The following DOCK3 variants were observed in gnomAD, a reference collection of about 807,000 sequenced individuals.
DOCK3 encodes dedicator of cytokinesis protein 3.
A neutral mutation model predicts 265.6 loss-of-function variants in DOCK3; 60 were observed. That is an observed-to-expected ratio of 0.23 (90% CI 0.18 to 0.28). DOCK3 has a LOEUF of 0.28. DOCK3 is among the 10% of genes least tolerant of loss of function. DOCK3 has a pLI of 1.00. For synonymous variants in DOCK3, 881 were observed against 938.0 expected (o/e 0.94, Z 1.11); for missense variants, 1,981 against 2,594.3 (o/e 0.76, Z 5.14).
intron 10 of DOCK3, among the ~76,000 whole-genome samples, chr3:51,154,941 A>G (rs1412123909): frequency 6.6e-6 from 1 of 152,058 alleles, no homozygotes; most frequent in East Asian, 1.9e-4. Flanking sequence ...ATACTTCCAT[A>G]ATTCTGTTTG....
intron 4 of DOCK3, among the ~76,000 whole-genome samples, chr3:50,932,723 A>G (rs151000049): frequency 1.8e-4 from 27 of 152,298 alleles, no homozygotes; most frequent in Admixed American, 3.3e-4. Flanking sequence ...AGGTGGCACC[A>G]TAACTGGTTT....
chr3:50,946,569 C>G (rs1419169410), intron 5 of DOCK3, among the ~76,000 whole-genome samples: 2 of 152,172 alleles, frequency 1.3e-5, no homozygotes, highest in African/African-American at 4.8e-5. Context: ...GATCTCAGAA[C>G]TGTTTAGGTA....
intron 12 of DOCK3, among the ~76,000 whole-genome samples, chr3:51,198,429 A>C (rs902917805): frequency 6.6e-6 from 1 of 152,156 alleles, no homozygotes; most frequent in Non-Finnish European, 1.5e-5. Flanking sequence ...AGGATGTCCC[A>C]ACATCTTCCT....
chr3:50,821,129 CTTTCTTT>C (rs1204394859), intron 2 of DOCK3, among the ~76,000 whole-genome samples: 12 of 135,516 alleles, frequency 8.9e-5, no homozygotes, highest in South Asian at 2.3e-4. Context: ...TTCTTTCTTT[CTTTCTTT>C]TTTCTTTTTT....
At chr3:51,341,452 A>T in intron 38 of DOCK3, 67 bp downstream of exon 38, 1 of 1,587,290 alleles carries the variant, frequency 6.3e-7, no homozygotes, top group Non-Finnish European at 8.6e-7. Flanking sequence ...TCTTGACACC[A>T]TAGGGTTAAC....
intron 40 of DOCK3, among the ~76,000 whole-genome samples, chr3:51,352,431 G>T (rs1252819231): frequency 6.6e-6 from 1 of 152,138 alleles, no homozygotes; most frequent in Non-Finnish European, 1.5e-5. Context: ...AGTGTCTCAG[G>T]GTTGTTGGAG....
intron 23 of DOCK3, among the ~76,000 whole-genome samples, chr3:51,267,597 G>C (rs1354449902): frequency 6.6e-6 from 1 of 151,894 alleles, no homozygotes; most frequent in Non-Finnish European, 1.5e-5. Context: ...TGTTTGCCAG[G>C]CTAGTCTCGA....
At chr3:51,288,128 A>G (rs1424046682) in intron 27 of DOCK3, among the ~76,000 whole-genome samples, 1 of 152,196 alleles carries the variant, frequency 6.6e-6, no homozygotes, top group African/African-American at 2.4e-5. Context: ...TCAGTGGCTC[A>G]TGCCTATGAT....
At chr3:50,851,371 A>T (rs1424884754) in intron 3 of DOCK3, among the ~76,000 whole-genome samples, 2 of 152,054 alleles carry the variant, frequency 1.3e-5, no homozygotes, top group African/African-American at 4.8e-5. Context: ...CTGCACCAGG[A>T]TCTCTGCGCA....
At chr3:51,221,341 G>A (rs1336418733) in intron 14 of DOCK3, among the ~76,000 whole-genome samples, 1 of 152,066 alleles carries the variant, frequency 6.6e-6, no homozygotes, top group Non-Finnish European at 1.5e-5. Context: ...ACACATAAAC[G>A]TTCCCAGCCA....
At chr3:50,701,902 T>C (rs932197053) in intron 1 of DOCK3, among the ~76,000 whole-genome samples, 2 of 152,234 alleles carry the variant, frequency 1.3e-5, no homozygotes, top group Non-Finnish European at 2.9e-5. Context: ...TCTGGTTTTC[T>C]CTGTTCTGTT....
At position 51,350,271 on chromosome 3, in the gene DOCK3, A is replaced by G; in HGVS notation, c.4003-17A>G. 1 of 1,593,428 alleles carries G rather than the reference A, an allele frequency of 6.3e-7. No individual in the cohort carries two copies. Among genetic ancestry groups the G allele is most frequent in the Non-Finnish European group, 8.5e-7 (1 of 1,174,234 alleles). ...CAACAGCAGTCAAGCCAACCTGAAG[A>G]CCTTTCTCATTCACAGAAAATGGAG... On this transcript the variant is annotated splice_polypyrimidine_tract_variant and intron_variant, in intron 39 of 52. Transcript: ENST00000266037.
chr3:51,069,951 C>T (rs1195965735), intron 6 of DOCK3, among the ~76,000 whole-genome samples: 1 of 152,198 alleles, frequency 6.6e-6, no homozygotes, highest in East Asian at 1.9e-4. Flanking sequence ...TCACAGTTAA[C>T]GGTTCTTCCC....
At chr3:50,813,539 G>A (rs1360255513) in intron 2 of DOCK3, among the ~76,000 whole-genome samples, 2 of 151,578 alleles carry the variant, frequency 1.3e-5, no homozygotes, top group African/African-American at 4.8e-5. Flanking sequence ...AAGAAAGAAA[G>A]AAAAAAGAAA....
At position 50,924,670 on chromosome 3, in the gene DOCK3, C is replaced by T. The variant is rs147158248; in HGVS notation, c.219-9311C>T. ...GCTAATCCACTTGGAATATGTGTAC[C>T]ACATCCAAGTCTCAGGGTTGCCCAC... On this transcript the variant is annotated intron_variant, in intron 4 of 52. Transcript: ENST00000266037. Among the ~76,000 whole-genome samples the T allele has an allele frequency of 1.4e-3, 217 of 152,278 alleles. 1 individual carries two copies. The highest frequency in any genetic ancestry group is 3.7e-3 in the African/African-American group (153 of 41,542).
intron 4 of DOCK3, among the ~76,000 whole-genome samples, chr3:50,927,315 GA>G (rs1415901828): frequency 6.6e-6 from 1 of 152,168 alleles, no homozygotes; most frequent in East Asian, 1.9e-4. Context: ...AGTGGGTACC[GA>G]AATACCGCTA....
chr3:51,215,243 G>A (rs2089717900), intron 14 of DOCK3, among the ~76,000 whole-genome samples: 1 of 152,064 alleles, frequency 6.6e-6, no homozygotes, highest in Non-Finnish European at 1.5e-5. Flanking sequence ...GAGTAGCTGC[G>A]ACTACACGTG....
At chr3:51,002,213 TGCTGAGATTATAG>T (rs1221277684) in intron 5 of DOCK3, among the ~76,000 whole-genome samples, 1 of 152,212 alleles carries the variant, frequency 6.6e-6, no homozygotes, top group African/African-American at 2.4e-5. Context: ...CTTCCCAAAG[TGCTGAGATTATAG>T]GCATGAGCTA....
In DOCK3 at chr3:51,381,415, G is replaced by A. The variant is rs782654998; in HGVS notation, c.5949G>A (p.Pro1983=). ...LPPKPYHPRL[P]ALEHDEGVLL... Reference sequence around the variant, plus strand: ...CCAAGCCCTACCACCCCCGCCTGCCGGCCCTGGAGCACGATGAGGGGGTGC... The same window carrying A: ...CCAAGCCCTACCACCCCCGCCTGCCAGCCCTGGAGCACGATGAGGGGGTGC... Residue 1983 remains proline, a synonymous_variant, in exon 53 of 53, where the codon CCG becomes CCA. Coordinates refer to ENST00000266037, the MANE Select transcript of DOCK3 (RefSeq NM_004947.5). The surrounding 1 kb of genome is among the most constrained non-coding windows in gnomAD (Gnocchi z 5.6). 18 of 1,612,010 alleles carry A rather than the reference G, an allele frequency of 1.1e-5. No homozygotes were observed. Among genetic ancestry groups the A allele is most frequent in the Middle Eastern group, 1.7e-4 (1 of 6,056 alleles).
Sources: allele counts gnomAD v4.1 joint callset (sites outside exome capture counted in the v4.1 genomes callset), GRCh38; gene constraint gnomAD v4.1.1; non-coding constraint Gnocchi (gnomAD v3.1); transcripts MANE v1.5; gene names NCBI Gene and HGNC (gene_info 2026-07-23, HGNC 2026-07-21).